FER1L6: variants seen among roughly 807,000 people sequenced by gnomAD.
FER1L6 encodes fer-1 like family member 6.
Under a neutral mutation model 219.2 loss-of-function variants are expected in FER1L6, and 177 were observed. The observed-to-expected ratio is 0.81, with a 90% CI of 0.71 to 0.91. The LOEUF is 0.91. FER1L6 is among the 40% of genes least tolerant of loss of function. The pLI, the probability that FER1L6 is intolerant of heterozygous loss-of-function variation, is 0.00. For missense variants in FER1L6, 2,153 were observed against 2,259.9 expected, an observed-to-expected ratio of 0.95 and a Z score of 0.96; for synonymous variants, 768 against 824.3, an observed-to-expected ratio of 0.93 and a Z score of 1.17.
chr8:123,991,674 GT>G (rs1189346649), intron 12 of FER1L6, among the ~76,000 whole-genome samples: 2 of 152,078 alleles, frequency 1.3e-5, no homozygotes, highest in Non-Finnish European at 2.9e-5. Flanking sequence ...CAATTTGAAT[GT>G]CCTTTATTTC....
intron 1 of FER1L6, among the ~76,000 whole-genome samples, chr8:123,929,475 A>C (rs1333072967): frequency 1.3e-5 from 2 of 152,066 alleles, no homozygotes; most frequent in African/African-American, 4.8e-5. Context: ...GGACACTAGC[A>C]CCTCTTAGCT....
At chr8:124,080,776 G>A (rs1182313331) in intron 32 of FER1L6, among the ~76,000 whole-genome samples, 1 of 152,128 alleles carries the variant, frequency 6.6e-6, no homozygotes, top group Non-Finnish European at 1.5e-5. Flanking sequence ...GACAGTAATG[G>A]TGATGGCTCA....
intron 1 of FER1L6, among the ~76,000 whole-genome samples, chr8:123,940,526 C>T (rs112118657): frequency 0.023 from 3,425 of 152,110 alleles, 133 homozygotes; most frequent in African/African-American, 0.078. Context: ...TTAGTAGAGA[C>T]GGGGTTTTGC....
intron 18 of FER1L6, among the ~76,000 whole-genome samples, chr8:124,025,188 C>G (rs899395623): frequency 6.8e-6 from 1 of 147,286 alleles, no homozygotes; most frequent in Non-Finnish European, 1.5e-5. Context: ...TGTGCAGAAG[C>G]TTTTTAGTTT....
In FER1L6 at chr8:123,963,302, T is replaced by C. The variant is rs370045096; in HGVS notation, c.101T>C (p.Leu34Pro). 12 of 1,614,000 alleles carry C rather than the reference T, an allele frequency of 7.4e-6. No individual in the cohort carries two copies. In the East Asian group the frequency reaches 1.6e-4, roughly 21 times the overall value. Residue 34 changes from leucine to proline, a missense_variant, in exon 3 of 41, where the codon CTG becomes CCG. Coordinates refer to ENST00000522917, the MANE Select transcript of FER1L6 (RefSeq NM_001039112.2). The stretch of plus-strand genomic sequence containing the variant: ...GATAGTCAAGGTGACACTGAAGCAC[T>C]GCAGGAGGAGCCTTCTCACCAGGAA... ...AKDSQGDTEA[L>P]QEEPSHQEGP...
At chr8:124,082,756 G>A (rs1456224467) in intron 33 of FER1L6, among the ~76,000 whole-genome samples, 1 of 152,158 alleles carries the variant, frequency 6.6e-6, no homozygotes, top group Non-Finnish European at 1.5e-5. Context: ...GAGTTTCCCT[G>A]GTGAAGAATA....
Position 124,118,826 on chromosome 8 carries a change from T to C in FER1L6, c.5290-18T>C. On this transcript the variant is annotated intron_variant, in intron 39 of 40. Coordinates refer to ENST00000522917, the MANE Select transcript of FER1L6 (RefSeq NM_001039112.2). ...GGTCTTTGTGACTGGAAACAAAAGG[T>C]TTTGCATCTTTTTGCAGGGCAAGGT... 6.2e-7 allele frequency: 1 copy of C among 1,611,688 alleles called. No homozygotes were observed. The highest frequency in any genetic ancestry group is 8.5e-7 in the Non-Finnish European group (1 of 1,178,564).
At chr8:123,913,633 A>G (rs1288575447) in intron 1 of FER1L6, among the ~76,000 whole-genome samples, 1 of 152,182 alleles carries the variant, frequency 6.6e-6, no homozygotes, top group Non-Finnish European at 1.5e-5. Context: ...ATTGGTTTCC[A>G]CATTGCACTA....
intron 1 of FER1L6, among the ~76,000 whole-genome samples, chr8:123,909,298 A>C (rs184925671): frequency 9.8e-5 from 15 of 152,286 alleles, no homozygotes; most frequent in Non-Finnish European, 1.5e-5. Context: ...GACAAAAAAA[A>C]AGTGGATAGA....
chr8:123,918,627 C>T (rs1393714641), intron 1 of FER1L6, among the ~76,000 whole-genome samples: 1 of 150,848 alleles, frequency 6.6e-6, no homozygotes, highest in Non-Finnish European at 1.5e-5. Context: ...ACTTCAATCT[C>T]ATGGCACAAT....
chr8:123,877,488 A>C (rs1481441511), intron 1 of FER1L6, among the ~76,000 whole-genome samples: 1 of 152,162 alleles, frequency 6.6e-6, no homozygotes, highest in African/African-American at 2.4e-5. Flanking sequence ...TGCAGCTGGC[A>C]GCACTGGCAT....
intron 33 of FER1L6, among the ~76,000 whole-genome samples, chr8:124,089,121 C>T (rs940555940): frequency 6.6e-6 from 1 of 152,160 alleles, no homozygotes; most frequent in Non-Finnish European, 1.5e-5. Context: ...TATTTAGGAC[C>T]CCAGAGTGCT....
intron 37 of FER1L6, among the ~76,000 whole-genome samples, chr8:124,099,147 C>T (rs1426348162): frequency 6.6e-6 from 1 of 152,176 alleles, no homozygotes; most frequent in African/African-American, 2.4e-5. Flanking sequence ...TGTCCTGGGC[C>T]AACTTCTCAT....
At chr8:123,939,064 C>A in intron 1 of FER1L6, 1 of 626,120 alleles carries the variant, frequency 1.6e-6, no homozygotes, top group Non-Finnish European at 2.0e-6. Flanking sequence ...AAGAAAATAT[C>A]AAACCCTTAG....
chr8:124,090,800 AGACTCTATCTGT>A (rs1464746784), intron 33 of FER1L6, among the ~76,000 whole-genome samples: 1 of 152,206 alleles, frequency 6.6e-6, no homozygotes, highest in African/African-American at 2.4e-5. Context: ...CAACACATCA[AGACTCTATCTGT>A]GACATGGATA....
chr8:123,980,713 G>A lies in FER1L6; in HGVS notation c.1312G>A (p.Asp438Asn). 6.2e-7 allele frequency: 1 copy of A among 1,614,126 alleles called. No individual in the cohort carries two copies. The change falls in exon 11 of 41, where the codon GAC becomes AAC. Residue 438 changes from aspartate (D) to asparagine (N), a missense_variant. Asp to Asn is a conservative substitution (Grantham distance 23). Coordinates refer to ENST00000522917, the MANE Select transcript of FER1L6 (RefSeq NM_001039112.2). ...AGACTCCAAATCTTCCAAAGGTAAA[G>A]ACAAGGCTGACAAAACTGAAGATGG... ...DKDSKSSKGKDKADKTEDGKS... is the reference protein window; with the variant it reads ...DKDSKSSKGKNKADKTEDGKS...
chr8:124,022,029 G>A lies in FER1L6; in HGVS notation c.2133+360G>A, dbSNP rs915074800. Among the ~76,000 whole-genome samples the A allele has an allele frequency of 7.2e-5, 11 of 152,142 alleles. No individual in the cohort carries two copies. In the East Asian group the frequency reaches 1.3e-3, roughly 19 times the overall value. On this transcript the variant is annotated intron_variant, in intron 17 of 40. Transcript: ENST00000522917. ...TCTGATTTTAAAGTTAGTTGTAAACGGTGTCTTCTGGTGACTTCTAGAATG... is the reference window on the plus strand; with the variant it reads ...TCTGATTTTAAAGTTAGTTGTAAACAGTGTCTTCTGGTGACTTCTAGAATG...
At chr8:123,950,586 C>T (rs1459915933) in intron 1 of FER1L6, among the ~76,000 whole-genome samples, 1 of 152,136 alleles carries the variant, frequency 6.6e-6, no homozygotes, top group Non-Finnish European at 1.5e-5. Context: ...TAATTAGCAT[C>T]CTTGGAGGTG....
intron 13 of FER1L6, 116 bp from the exon 14 acceptor site, chr8:124,010,478 T>C (rs1016540505): frequency 6.7e-5 from 86 of 1,278,988 alleles, no homozygotes; most frequent in Non-Finnish European, 9.0e-5. Context: ...AGTTTGATAG[T>C]TTTTTCATCA....
Sources: allele counts gnomAD v4.1 joint callset (sites outside exome capture counted in the v4.1 genomes callset), GRCh38; gene constraint gnomAD v4.1.1; transcripts MANE v1.5; gene names NCBI Gene and HGNC (gene_info 2026-07-23, HGNC 2026-07-21).